The following GRIP2 variants were observed in gnomAD, a reference collection of about 807,000 sequenced individuals.
GRIP2 encodes glutamate receptor interacting protein 2.
In GRIP2, 58 loss-of-function variants were observed where a neutral mutation model predicts 108.3. The observed-to-expected ratio is 0.54, with a 90% CI of 0.43 to 0.67. GRIP2 has a LOEUF of 0.67. Among genes scored for constraint, GRIP2 ranks in the 30% least tolerant of loss-of-function variants. The pLI, the probability that GRIP2 is intolerant of heterozygous loss-of-function variation, is 0.00. For missense variants in GRIP2, 1,278 were observed against 1,430.6 expected, an observed-to-expected ratio of 0.89 and a Z score of 1.72; for synonymous variants, 586 against 598.2, an observed-to-expected ratio of 0.98 and a Z score of 0.30.
At chr3:14,561,122 C>G in the GRIP2 span, among the ~76,000 whole-genome samples, 1 of 152,224 alleles carries the variant, frequency 6.6e-6, no homozygotes, top group Non-Finnish European at 1.5e-5. Context: ...CCACACCTGC[C>G]AGGCTCCCCT....
chr3:14,582,385 G>A, the GRIP2 span, among the ~76,000 whole-genome samples: 1 of 152,188 alleles, frequency 6.6e-6, no homozygotes, highest in East Asian at 1.9e-4. Flanking sequence ...TAGGCACAGG[G>A]TGAGACCAGA....
chr3:14,574,269 G>C, the GRIP2 span: 3 of 900,214 alleles, frequency 3.3e-6, no homozygotes, highest in Non-Finnish European at 5.5e-6. Flanking sequence ...CTTGTGGTAG[G>C]TGTGGTTGTT....
chr3:14,496,434 G>T lies in GRIP2; in HGVS notation c.2806C>A (p.Pro936Thr). 1.2e-6 allele frequency: 2 copies of T among 1,612,180 alleles called. No homozygotes were observed. Among genetic ancestry groups the T allele is most frequent in the Non-Finnish European group, 1.7e-6 (2 of 1,179,128 alleles). The part of the protein sequence containing the change: ...AEMEELLLPT[P>T]LEMHKVTLHK... Reference sequence around the variant, plus strand: ...GTGCCTACCTTGTGCATCTCCAAGGGTGTAGGCAGCAACAGCTCCTCCATT... The same window carrying T: ...GTGCCTACCTTGTGCATCTCCAAGGTTGTAGGCAGCAACAGCTCCTCCATT... The change falls in exon 22 of 24, where the codon CCC becomes ACC. Residue 936 changes from proline to threonine, a missense_variant. Physicochemically the swap from Pro to Thr is conservative, Grantham distance 38 (BLOSUM62 -1). Coordinates refer to ENST00000621039, the MANE Select transcript of GRIP2 (RefSeq NM_001080423.4).
intron 21 of GRIP2, among the ~76,000 whole-genome samples, chr3:14,498,038 C>T (rs948587567): frequency 1.3e-5 from 2 of 152,170 alleles, no homozygotes; most frequent in Non-Finnish European, 2.9e-5. Flanking sequence ...GTCTCCCCAG[C>T]CTAGAAACAT....
rs1328558436 is a variant in GRIP2, at chr3:14,540,175, C to A, written c.40+94G>T. The A allele has an allele frequency of 1.4e-6, 2 of 1,470,772 alleles. No homozygotes were observed. Among genetic ancestry groups the A allele is most frequent in the South Asian group, 1.3e-5 (1 of 74,674 alleles). The allele number at this position is 1,470,772 out of a possible 1,614,324, so 91.1% of individuals were successfully genotyped here. A position where few individuals can be genotyped will look rare whatever the true frequency, so the allele number is the denominator to read the frequency against. On this transcript the variant is annotated intron_variant, in intron 1 of 23. Transcript: ENST00000621039. This position sits in a 1 kb window ranked among gnomAD's most constrained non-coding sequence, Gnocchi z 4.1. ...TCTCCAGGGAGTGGCAGTCCCAGGT[C>A]TCAGCCATCCAGTCCCCTCTCTCTG...
upstream of GRIP2, chr3:14,542,043 T>A (rs1694983084): frequency 1.5e-6 from 2 of 1,353,240 alleles, no homozygotes; most frequent in Non-Finnish European, 2.0e-6. Flanking sequence ...CTCCATTCCC[T>A]CCATCTACAG....
upstream of GRIP2, among the ~76,000 whole-genome samples, chr3:14,560,806 C>T (rs1695304998): frequency 6.6e-6 from 1 of 152,178 alleles, no homozygotes; most frequent in African/African-American, 2.4e-5. Flanking sequence ...GTAACTTGGG[C>T]CCAAAAGTAT....
At chr3:14,502,447 T>C (rs896332582) in intron 21 of GRIP2, among the ~76,000 whole-genome samples, 2 of 151,278 alleles carry the variant, frequency 1.3e-5, no homozygotes, top group Admixed American at 6.6e-5. Flanking sequence ...TGAGCCGAGA[T>C]TGCACCACTG....
chr3:14,517,621 C>A, intron 10 of GRIP2, 151 bp downstream of exon 10: 2 of 981,772 alleles, frequency 2.0e-6, no homozygotes, highest in Non-Finnish European at 3.0e-6. Flanking sequence ...CCCGCCTCAG[C>A]CTCCCGAGTG....
In GRIP2 at chr3:14,525,544, C is replaced by T; in HGVS notation, c.150G>A (p.Glu50=). The T allele has an allele frequency of 6.2e-7, 1 of 1,613,884 alleles. No individual in the cohort carries two copies. Among genetic ancestry groups the T allele is most frequent in the African/African-American group, 1.3e-5 (1 of 75,046 alleles). The change falls in exon 3 of 24, where the codon GAG becomes GAA. Residue 50 remains glutamate, a synonymous_variant. Transcript: ENST00000621039. The part of the protein sequence containing the change: ...PEEFRGITVV[E]LIKKEGSTLG... ...GCGTGCTGCCTTCTTTCTTGATCAG[C>T]TCCACCACAGTGATCCCTCGGAACT...
chr3:14,596,604 C>T, the GRIP2 span, among the ~76,000 whole-genome samples: 1 of 152,114 alleles, frequency 6.6e-6, no homozygotes, highest in East Asian at 1.9e-4. Context: ...CAAGCACAGT[C>T]CTCACAGCAC....
chr3:14,601,261 A>C, the GRIP2 span, among the ~76,000 whole-genome samples: 2 of 152,104 alleles, frequency 1.3e-5, no homozygotes, highest in Non-Finnish European at 2.9e-5. Context: ...ACCCCTTTAA[A>C]GAGGCAGAAA....
Position 14,524,520 on chromosome 3 carries a change from A to G in GRIP2, c.276T>C (p.Ile92=). 1 of 1,553,712 alleles carries G rather than the reference A, an allele frequency of 6.4e-7. No individual in the cohort carries two copies. The highest frequency in any genetic ancestry group is 8.7e-7 in the Non-Finnish European group (1 of 1,148,140). ...GLAARSDLLN[I]GDYIRSVNGI... Reference sequence around the variant, plus strand: ...CGTTCACAGACCGAATATAGTCACCAATGTTCAGCAGATCACTCCTAGAGC... The same window carrying G: ...CGTTCACAGACCGAATATAGTCACCGATGTTCAGCAGATCACTCCTAGAGC... Residue 92 remains isoleucine (I), a synonymous_variant, in exon 4 of 24, where the codon ATT becomes ATC. Coordinates refer to ENST00000621039, the MANE Select transcript of GRIP2 (RefSeq NM_001080423.4).
the GRIP2 span, among the ~76,000 whole-genome samples, chr3:14,580,490 G>A: frequency 6.6e-6 from 1 of 152,216 alleles, no homozygotes; most frequent in Admixed American, 6.5e-5. Flanking sequence ...GAACTCAGGA[G>A]TTCCAGACCA....
intron 23 of GRIP2, among the ~76,000 whole-genome samples, chr3:14,494,032 G>C (rs997192610): frequency 6.6e-6 from 1 of 152,208 alleles, no homozygotes; most frequent in Non-Finnish European, 1.5e-5. Flanking sequence ...GAAAGTTCTA[G>C]GAAGGGGCAG....
rs1368660345 is a variant in GRIP2 at position 14,490,651 on chromosome 3, T to C, written c.*3014A>G. The C allele has an allele frequency of 6.6e-6, 1 of 152,334 alleles. No individual in the cohort carries two copies. The highest frequency in any genetic ancestry group is 1.5e-5 in the Non-Finnish European group (1 of 68,076). The allele number at this position is 152,334 out of a possible 1,614,324, so 9.4% of individuals were successfully genotyped here. On this transcript the variant is annotated 3_prime_UTR_variant, in exon 24 of 24. Coordinates refer to ENST00000621039, the MANE Select transcript of GRIP2 (RefSeq NM_001080423.4). The stretch of plus-strand genomic sequence containing the variant: ...CCCCTACCCAAGCCTTCACGACTGA[T>C]TCCTGCTACCTCCAACCTAGTCTCC...
At position 14,512,680 on chromosome 3, in the gene GRIP2, G is replaced by T; in HGVS notation, c.1720+97C>A. The T allele has an allele frequency of 8.3e-7, 1 of 1,208,040 alleles. No individual in the cohort carries two copies. Among genetic ancestry groups the T allele is most frequent in the Non-Finnish European group, 1.2e-6 (1 of 839,562 alleles). 74.8% of individuals were successfully genotyped at this position (1,208,040 alleles called of 1,614,324 possible). On this transcript the variant is annotated intron_variant, in intron 14 of 23. Coordinates refer to ENST00000621039, the MANE Select transcript of GRIP2 (RefSeq NM_001080423.4). This position sits in a 1 kb window ranked among gnomAD's most constrained non-coding sequence, Gnocchi z 5.1. ...GCCTTTTCCTCGGGCCCCGCAGGGT[G>T]TCACGCCATGGAAATGCTGGTCTGA...
chr3:14,567,642 A>G, the GRIP2 span, among the ~76,000 whole-genome samples: 1 of 152,124 alleles, frequency 6.6e-6, no homozygotes, highest in Non-Finnish European at 1.5e-5. Context: ...CATTGAGAGA[A>G]CCTGTAATGA....
At chr3:14,587,655 A>C in the GRIP2 span, among the ~76,000 whole-genome samples, 2 of 149,104 alleles carry the variant, frequency 1.3e-5, no homozygotes, top group South Asian at 2.1e-4. Context: ...AAAAAAAAAA[A>C]CAAAACAAAA....
Sources: allele counts gnomAD v4.1 joint callset (sites outside exome capture counted in the v4.1 genomes callset), GRCh38; gene constraint gnomAD v4.1.1; non-coding constraint Gnocchi (gnomAD v3.1); transcripts MANE v1.5; gene names NCBI Gene and HGNC (gene_info 2026-07-23, HGNC 2026-07-21).